SLC1A1: variants seen among roughly 807,000 people sequenced by gnomAD.
SLC1A1 encodes the protein solute carrier family 1 member 1.
In SLC1A1, 43 loss-of-function variants were observed where a neutral mutation model predicts 53.3. That is an observed-to-expected ratio of 0.81 (90% CI 0.63 to 1.04). The LOEUF is 1.04. Among genes scored for constraint, SLC1A1 ranks in the 50% least tolerant of loss-of-function variants. The probability of loss-of-function intolerance (pLI) is 0.00; values close to 1 mark genes in which losing one functional copy is unlikely to be tolerated. For missense variants in SLC1A1, 748 were observed against 664.9 expected (o/e 1.12, Z -1.37); for synonymous variants, 307 against 243.2 (o/e 1.26, Z -2.44).
chr9:4,576,726 G>T lies in SLC1A1; in HGVS notation c.1156G>T (p.Asp386Tyr). Residue 386 changes from aspartate to tyrosine, a missense_variant, in exon 10 of 12, where the codon GAC becomes TAC. Physicochemically the swap from Asp to Tyr is radical, Grantham distance 160. Transcript: ENST00000262352. Reference protein sequence around the residue: ...VAAVFIAQLNDLDLGIGQIIT... With the variant: ...VAAVFIAQLNYLDLGIGQIIT... ...AGCGGTGTTTATTGCACAGTTGAAT[G>T]ACCTGGACTTGGGCATTGGGCAGAT... 1 of 1,614,190 alleles carries T rather than the reference G, an allele frequency of 6.2e-7. No homozygotes were observed. The highest frequency in any genetic ancestry group is 8.5e-7 in the Non-Finnish European group (1 of 1,180,034).
chr9:4,544,521 C>G, intron 1 of SLC1A1, 46 bp from the exon 2 acceptor site: 1 of 1,584,926 alleles, frequency 6.3e-7, no homozygotes, highest in Middle Eastern at 1.7e-4. Flanking sequence ...TACAGGAGAA[C>G]TCAATAATGT....
At chr9:4,530,555 T>G (rs978732994) in intron 1 of SLC1A1, among the ~76,000 whole-genome samples, 3 of 152,190 alleles carry the variant, frequency 2.0e-5, no homozygotes, top group Non-Finnish European at 4.4e-5. Context: ...AATCAACTTT[T>G]CTTCTGAGTC....
intron 1 of SLC1A1, among the ~76,000 whole-genome samples, chr9:4,533,131 G>A (rs376480039): frequency 1.1e-4 from 16 of 152,188 alleles, no homozygotes; most frequent in Non-Finnish European, 1.5e-4. Flanking sequence ...AAAGACCAGA[G>A]AGGCTAGGAA....
At chr9:4,533,917 A>G (rs535882087) in intron 1 of SLC1A1, among the ~76,000 whole-genome samples, 23 of 152,210 alleles carry the variant, frequency 1.5e-4, no homozygotes, top group African/African-American at 5.1e-4. Flanking sequence ...ACTCAAAACC[A>G]CTCAACTACA....
intron 1 of SLC1A1, among the ~76,000 whole-genome samples, chr9:4,504,183 T>C (rs1337905167): frequency 6.6e-6 from 1 of 152,158 alleles, no homozygotes; most frequent in Non-Finnish European, 1.5e-5. Context: ...TTAGAGAAAA[T>C]GGAAGATCCA....
chr9:4,575,117 C>T (rs1031405161), intron 8 of SLC1A1, among the ~76,000 whole-genome samples: 2 of 152,222 alleles, frequency 1.3e-5, no homozygotes, highest in African/African-American at 4.8e-5. Context: ...AGGTGTCTAA[C>T]AGGAAACTAA....
At chr9:4,555,242 T>G (rs1818266095) in intron 2 of SLC1A1, among the ~76,000 whole-genome samples, 1 of 152,204 alleles carries the variant, frequency 6.6e-6, no homozygotes, top group Non-Finnish European at 1.5e-5. Flanking sequence ...ATGAGTTTCT[T>G]GGATGTGGTG....
intron 1 of SLC1A1, among the ~76,000 whole-genome samples, chr9:4,542,214 G>C (rs1817077676): frequency 6.6e-6 from 1 of 152,134 alleles, no homozygotes; most frequent in South Asian, 2.1e-4. Flanking sequence ...AAGGAAGGAA[G>C]GAATATTGGA....
intron 7 of SLC1A1, among the ~76,000 whole-genome samples, chr9:4,572,813 T>C (rs1362203395): frequency 1.3e-5 from 2 of 152,166 alleles, no homozygotes; most frequent in African/African-American, 4.8e-5. Context: ...CCTCCCAAAA[T>C]GCTGGAATTA....
At chr9:4,541,361 A>G (rs1029157987) in intron 1 of SLC1A1, among the ~76,000 whole-genome samples, 1 of 152,206 alleles carries the variant, frequency 6.6e-6, no homozygotes, top group Non-Finnish European at 1.5e-5. Context: ...TAGGATTATA[A>G]TATTTTCTAT....
At chr9:4,497,849 A>T (rs7029281) in intron 1 of SLC1A1, among the ~76,000 whole-genome samples, 1 of 152,148 alleles carries the variant, frequency 6.6e-6, no homozygotes, top group African/African-American at 2.4e-5. Flanking sequence ...ATACTCTCTG[A>T]GTCTTTGTTT....
chr9:4,575,218 TC>T lies in SLC1A1; in HGVS notation c.876-781del, dbSNP rs138573411. 4.9e-3 allele frequency among the ~76,000 whole-genome samples: 748 copies of T among 152,322 alleles called. 7 individuals carry two copies. The highest frequency in any genetic ancestry group is 0.017 in the African/African-American group (700 of 41,572). On this transcript the variant is annotated intron_variant, in intron 8 of 11. Coordinates refer to ENST00000262352, the MANE Select transcript of SLC1A1 (RefSeq NM_004170.6). ...AGGATCTATATTTTTGATGGCCATTTCCTATTTCAAACACACATAACTGATC... is the reference window on the plus strand; with the variant it reads ...AGGATCTATATTTTTGATGGCCATTTCTATTTCAAACACACATAACTGATC...
chr9:4,563,796 T>G (rs1819213677), intron 3 of SLC1A1, among the ~76,000 whole-genome samples: 1 of 152,090 alleles, frequency 6.6e-6, no homozygotes, highest in South Asian at 2.1e-4. Context: ...ATCCCATCTA[T>G]TTGTCCTCAT....
At chr9:4,518,694 T>G (rs1488371008) in intron 1 of SLC1A1, among the ~76,000 whole-genome samples, 1 of 152,234 alleles carries the variant, frequency 6.6e-6, no homozygotes, top group African/African-American at 2.4e-5. Flanking sequence ...AGTCCCATTC[T>G]GTCCATCAAG....
At chr9:4,507,369 C>T (rs776385704) in intron 1 of SLC1A1, among the ~76,000 whole-genome samples, 3 of 152,144 alleles carry the variant, frequency 2.0e-5, no homozygotes, top group Non-Finnish European at 4.4e-5. Flanking sequence ...CATTTCTGGA[C>T]CTTTAATGTA....
At chr9:4,490,807 C>T (rs1290839222) in intron 1 of SLC1A1, 37 bp downstream of exon 1, 1 of 1,545,418 alleles carries the variant, frequency 6.5e-7, no homozygotes, top group East Asian at 2.3e-5. Flanking sequence ...CGCGCACCCT[C>T]ACGCGCTCTC....
chr9:4,545,858 C>A (rs1005088714), intron 2 of SLC1A1, among the ~76,000 whole-genome samples: 1 of 149,004 alleles, frequency 6.7e-6, no homozygotes, highest in African/African-American at 2.5e-5. Context: ...TGATAAGTTT[C>A]TCTGCATTGC....
In SLC1A1 at chr9:4,547,070, G is replaced by A. The variant is rs141494976; in HGVS notation, c.232+2363G>A. On this transcript the variant is annotated intron_variant, in intron 2 of 11. Transcript: ENST00000262352. ...AATACATGTATGAATGTCTAATTCT[G>A]TAATATCAGATGTTTGAAAATACAT... is the stretch of plus-strand genomic sequence containing the variant. Among the ~76,000 whole-genome samples the A allele has an allele frequency of 1.5e-4, 23 of 152,326 alleles. No homozygotes were observed. In the East Asian group the frequency reaches 4.2e-3, roughly 28 times the overall value.
intron 1 of SLC1A1, among the ~76,000 whole-genome samples, chr9:4,532,574 A>C (rs1352863807): frequency 6.6e-6 from 1 of 152,184 alleles, no homozygotes; most frequent in African/African-American, 2.4e-5. Flanking sequence ...GAAAAGACCA[A>C]ATCTACATCT....
Sources: allele counts gnomAD v4.1 joint callset (sites outside exome capture counted in the v4.1 genomes callset), GRCh38; gene constraint gnomAD v4.1.1; transcripts MANE v1.5; gene names NCBI Gene and HGNC (gene_info 2026-07-23, HGNC 2026-07-21).